Variants in TIPRL observed in about 807,000 individuals in gnomAD.
The protein encoded by TIPRL is TOR signaling pathway regulator, also known as TIP41-like protein.
Under a neutral mutation model 32.3 loss-of-function variants are expected in TIPRL, and 10 were observed. The observed-to-expected ratio is 0.31, with a 90% confidence interval of 0.19 to 0.52. TIPRL has a LOEUF of 0.52. Among genes scored for constraint, TIPRL ranks in the 20% least tolerant of loss-of-function variants. The pLI is 0.96. For missense variants in TIPRL, 250 were observed against 328.1 expected (o/e 0.76, Z 1.84); for synonymous variants, 100 against 114.0 (o/e 0.88, Z 0.78).
chr1:168,201,095 AT>A lies in TIPRL; in HGVS notation c.*1050del, dbSNP rs1460986962. 1 of 152,174 alleles carries A rather than the reference AT, an allele frequency of 6.6e-6. No individual in the cohort carries two copies. The highest frequency in any genetic ancestry group is 1.5e-5 in the Non-Finnish European group (1 of 68,008). 9.4% of individuals were successfully genotyped at this position (152,174 alleles called of 1,614,324 possible). A position where few individuals can be genotyped will look rare whatever the true frequency, so the allele number is the denominator to read the frequency against. ...GAAAATACACAGAAGTAAATTTCAA[AT>A]CCATTTGATTGTTTTCATAGTGACC... On this transcript the variant is annotated 3_prime_UTR_variant, in exon 7 of 7. Transcript: ENST00000367833.
chr1:168,184,563 T>C (rs3753935), intron 2 of TIPRL, among the ~76,000 whole-genome samples: 72,700 of 152,036 alleles, frequency 0.48, 20,615 homozygotes, highest in African/African-American at 0.79. Context: ...GTCCTCAGGC[T>C]GTATACAGAC....
At chr1:168,179,295 T>TCCGGA in intron 1 of TIPRL, 114 bp downstream of exon 1, 3 of 841,372 alleles carry the variant, frequency 3.6e-6, no homozygotes, top group Non-Finnish European at 5.7e-6. Flanking sequence ...GTTCGGTCCC[T>TCCGGA]CCGGACCGGA....
At chr1:168,196,939 A>AC (rs1700165196) in intron 5 of TIPRL, among the ~76,000 whole-genome samples, 1 of 152,180 alleles carries the variant, frequency 6.6e-6, no homozygotes, top group Admixed American at 6.5e-5. Context: ...ACTGTCCTTT[A>AC]ACTCTTACCT....
At position 168,198,940 on chromosome 1, in the gene TIPRL, C is replaced by G; in HGVS notation, c.634C>G (p.Arg212Gly). The G allele has an allele frequency of 6.2e-7, 1 of 1,612,042 alleles. No individual in the cohort carries two copies. ...ACAGGCTGACAAGACCTACATGTTA[C>G]GAGAATATACGTCACGAGAAAGCAA... ...YHEADKTYML[R>G]EYTSRESKIS... The change falls in exon 6 of 7, where the codon CGA becomes GGA. Residue 212 changes from arginine (R) to glycine (G), a missense_variant. Transcript: ENST00000367833.
chr1:168,199,147 C>T (rs924228450), intron 6 of TIPRL, among the ~76,000 whole-genome samples, 166 bp downstream of exon 6: 8 of 152,120 alleles, frequency 5.3e-5, no homozygotes, highest in Non-Finnish European at 1.0e-4. Flanking sequence ...CTTTTCTGAC[C>T]TTACCTCAAA....
rs780780330 is a variant in TIPRL at position 168,199,998 on chromosome 1, A to AAAT, written c.772_773insATA (p.Arg257_Ile258insAsn). On this transcript the variant is annotated inframe_insertion, in exon 7 of 7. Transcript: ENST00000367833. ...GTGAGAAGCTAATATTTCCAGAAAG[A>AAAT]ATTGATCCTAACCCAGCAGACTCAC... 1 of 1,613,700 alleles carries AAAT rather than the reference A, an allele frequency of 6.2e-7. No individual in the cohort carries two copies. The highest frequency in any genetic ancestry group is 1.1e-5 in the South Asian group (1 of 91,076).
chr1:168,194,672 A>G (rs1700134554), intron 4 of TIPRL, among the ~76,000 whole-genome samples: 2 of 152,194 alleles, frequency 1.3e-5, no homozygotes, highest in East Asian at 1.9e-4. Context: ...TTCCTTTACT[A>G]AAAGTCTTTT....
intron 4 of TIPRL, among the ~76,000 whole-genome samples, chr1:168,194,075 A>G (rs4657743): frequency 0.48 from 72,711 of 152,060 alleles, 20,608 homozygotes; most frequent in African/African-American, 0.79. Context: ...AAGAAAAAGT[A>G]TAATCTTTCC....
intron 3 of TIPRL, among the ~76,000 whole-genome samples, chr1:168,186,633 C>G (rs1046174704): frequency 1.3e-5 from 2 of 151,830 alleles, no homozygotes; most frequent in Non-Finnish European, 2.9e-5. Flanking sequence ...ATTGGAAACC[C>G]TATGTCATCC....
At chr1:168,196,756 A>G (rs1040793944) in intron 5 of TIPRL, 114 bp downstream of exon 5, 4 of 609,322 alleles carry the variant, frequency 6.6e-6, no homozygotes, top group African/African-American at 5.7e-5. Flanking sequence ...CAGTCTTTCT[A>G]ACTGTTAAGT....
chr1:168,192,862 G>GGCAGCCTGT lies in TIPRL; in HGVS notation c.516+1365_516+1366insGCCTGTGCA, dbSNP rs1700115588. Among the ~76,000 whole-genome samples the GGCAGCCTGT allele has an allele frequency of 2.7e-5, 3 of 110,182 alleles. No homozygotes were observed. In the South Asian group the frequency reaches 6.7e-4, roughly 25 times the overall value. The allele number at this position is 110,182 out of a possible 152,430, so 72.3% of individuals were successfully genotyped here. ...GATCGTGCCACTGCACTCCAGCCTGGGCAACAAGCGAGACTCCGTCTCAAA... is the reference window on the plus strand; with the variant it reads ...GATCGTGCCACTGCACTCCAGCCTGGGCAGCCTGTGCAACAAGCGAGACTCCGTCTCAAA... On this transcript the variant is annotated intron_variant, in intron 4 of 6. Coordinates refer to ENST00000367833, the MANE Select transcript of TIPRL (RefSeq NM_152902.5).
At chr1:168,196,169 G>A (rs1437460071) in intron 4 of TIPRL, among the ~76,000 whole-genome samples, 2 of 152,186 alleles carry the variant, frequency 1.3e-5, no homozygotes, top group African/African-American at 4.8e-5. Context: ...GGTGAGTAGT[G>A]ACAAAGAACT....
chr1:168,186,997 A>G (rs1216742891), intron 3 of TIPRL, among the ~76,000 whole-genome samples: 1 of 152,204 alleles, frequency 6.6e-6, no homozygotes, highest in Non-Finnish European at 1.5e-5. Context: ...TGCTATTATT[A>G]CAGTCCAAGC....
In TIPRL at chr1:168,200,042, A is replaced by T; in HGVS notation, c.815A>T (p.Glu272Val). The T allele has an allele frequency of 2.5e-6, 4 of 1,613,150 alleles. No homozygotes were observed. The highest frequency in any genetic ancestry group is 3.4e-6 in the Non-Finnish European group (4 of 1,179,584). ...GACTCACAAAAAAGTACACAAGTGG[A>T]ATAAAATGTGATACAACATATACTC... ...PADSQKSTQV[E>V] The change falls in exon 7 of 7, where the codon GAA becomes GTA. Residue 272 changes from glutamate to valine, a missense_variant. Coordinates refer to ENST00000367833, the MANE Select transcript of TIPRL (RefSeq NM_152902.5).
At chr1:168,179,611 C>T (rs1477775299) in intron 1 of TIPRL, among the ~76,000 whole-genome samples, 2 of 138,390 alleles carry the variant, frequency 1.4e-5, no homozygotes, top group Admixed American at 1.5e-4. Context: ...ACGTGCGCCT[C>T]AATTCACAGT....
At chr1:168,198,728 G>A (rs1013129521) in intron 5 of TIPRL, among the ~76,000 whole-genome samples, 191 bp from the exon 6 acceptor site, 5 of 152,026 alleles carry the variant, frequency 3.3e-5, no homozygotes, top group African/African-American at 1.2e-4. Flanking sequence ...TCATTATAAT[G>A]TATAGAAATT....
Position 168,200,321 on chromosome 1 carries a change from G to C in TIPRL, c.*275G>C, listed in dbSNP as rs1341202548. On this transcript the variant is annotated 3_prime_UTR_variant, in exon 7 of 7. Coordinates refer to ENST00000367833, the MANE Select transcript of TIPRL (RefSeq NM_152902.5). Reference sequence around the variant, plus strand: ...AGTGGGACCTCAGCAGTAGTGATGTGTGTGTCTCATGAGCAGTGAGCACAG... The same window carrying C: ...AGTGGGACCTCAGCAGTAGTGATGTCTGTGTCTCATGAGCAGTGAGCACAG... The C allele has an allele frequency of 3.1e-6, 1 of 317,972 alleles. No homozygotes were observed. Among genetic ancestry groups the C allele is most frequent in the Non-Finnish European group, 5.9e-6 (1 of 169,404 alleles). The allele number at this position is 317,972 out of a possible 1,614,324, so 19.7% of individuals were successfully genotyped here.
intron 3 of TIPRL, among the ~76,000 whole-genome samples, chr1:168,186,395 T>G (rs1572431581): frequency 6.7e-6 from 1 of 150,258 alleles, no homozygotes; most frequent in African/African-American, 2.4e-5. Flanking sequence ...ACTTGGGAGG[T>G]TGAGGCAGGA....
At chr1:168,188,485 CTT>C (rs1444469402) in intron 3 of TIPRL, among the ~76,000 whole-genome samples, 7 of 152,158 alleles carry the variant, frequency 4.6e-5, no homozygotes, top group Admixed American at 4.6e-4. Context: ...TTTAATAAAA[CTT>C]TATGGACAGT....
Sources: gnomAD v4.1 joint callset for allele counts (sites outside exome capture counted in the v4.1 genomes callset) on GRCh38, gnomAD v4.1.1 for gene constraint, MANE v1.5 for transcripts, NCBI Gene and HGNC (gene_info 2026-07-23, HGNC 2026-07-21) for gene names.